GALNT18: variants seen among roughly 807,000 people sequenced by gnomAD.
The protein encoded by GALNT18 is polypeptide N-acetylgalactosaminyltransferase 18.
GALNT18 carries 44 observed loss-of-function variants against 69.5 expected under a neutral mutation model. The ratio of observed to expected loss-of-function variants is 0.63; its 90% CI spans 0.50 to 0.81. The LOEUF is 0.81. Among genes scored for constraint, GALNT18 ranks in the 40% least tolerant of loss-of-function variants. The probability of loss-of-function intolerance (pLI) is 0.00; values close to 1 mark genes in which losing one functional copy is unlikely to be tolerated. For synonymous variants in GALNT18, 364 were observed against 318.2 expected, an observed-to-expected ratio of 1.14 and a Z score of -1.53; for missense variants, 715 against 810.0, an observed-to-expected ratio of 0.88 and a Z score of 1.42.
chr11:11,341,035 C>A lies in GALNT18; in HGVS notation c.1093-31G>T, dbSNP rs1398338891. The A allele has an allele frequency of 1.3e-6, 2 of 1,561,838 alleles. No individual in the cohort carries two copies. Among genetic ancestry groups the A allele is most frequent in the South Asian group, 1.2e-5 (1 of 84,024 alleles). ...GAAGACATGGAGCCACTTGTCAGAGCCTGCCTGGCTCTGCCTTTCTACACC... is the reference window on the plus strand; with the variant it reads ...GAAGACATGGAGCCACTTGTCAGAGACTGCCTGGCTCTGCCTTTCTACACC... On this transcript the variant is annotated intron_variant, in intron 6 of 10. Coordinates refer to ENST00000227756, the MANE Select transcript of GALNT18 (RefSeq NM_198516.3). This position sits in a 1 kb window ranked among gnomAD's most constrained non-coding sequence, Gnocchi z 6.3.
At position 11,523,408 on chromosome 11, in the gene GALNT18, A is replaced by G. The variant is rs910779467; in HGVS notation, c.236-74472T>C. 6.6e-6 allele frequency among the ~76,000 whole-genome samples: 1 copy of G among 152,144 alleles called. No homozygotes were observed. The highest frequency in any genetic ancestry group is 1.5e-5 in the Non-Finnish European group (1 of 68,030). ...GCAGAGGTAACCGAGAGCTACCTCT[A>G]GAGGTCTTCAAACTCAAGAAGTCTG... On this transcript the variant is annotated intron_variant, in intron 1 of 10. Coordinates refer to ENST00000227756, the MANE Select transcript of GALNT18 (RefSeq NM_198516.3). This position sits in a 1 kb window ranked among gnomAD's most constrained non-coding sequence, Gnocchi z 4.3.
chr11:11,373,120 G>A (rs937112665), intron 5 of GALNT18, among the ~76,000 whole-genome samples: 2 of 152,146 alleles, frequency 1.3e-5, no homozygotes, highest in South Asian at 4.1e-4. Context: ...TTATCTTCAG[G>A]TAAATAGGTG....
In GALNT18 at chr11:11,376,636, C is replaced by A. The variant is rs551002031; in HGVS notation, c.977+546G>T. 9.2e-5 allele frequency among the ~76,000 whole-genome samples: 14 copies of A among 152,272 alleles called. 1 individual carries two copies. In the South Asian group the frequency reaches 1.5e-3, roughly 16 times the overall value. ...GTCCGATCTTGCCTCTCAGCCCCTC[C>A]ACCCCTACTGCCGGGGGCTGCTGGC... On this transcript the variant is annotated intron_variant, in intron 5 of 10. Transcript: ENST00000227756.
chr11:11,398,194 A>C (rs1386613743), intron 3 of GALNT18, among the ~76,000 whole-genome samples: 1 of 152,184 alleles, frequency 6.6e-6, no homozygotes, highest in Non-Finnish European at 1.5e-5. Flanking sequence ...GCTTGATTCA[A>C]ATCTGTATAT....
At chr11:11,297,572 TC>T (rs1210331163) in intron 9 of GALNT18, among the ~76,000 whole-genome samples, 4 of 152,040 alleles carry the variant, frequency 2.6e-5, no homozygotes, top group Non-Finnish European at 4.4e-5. Context: ...GGAGAGGACT[TC>T]CACTGTGATC....
At chr11:11,408,149 T>A (rs1185881821) in intron 3 of GALNT18, among the ~76,000 whole-genome samples, 1 of 152,108 alleles carries the variant, frequency 6.6e-6, no homozygotes, top group Admixed American at 6.5e-5. Context: ...GCGGATCACT[T>A]GAGGTCAGGA....
intron 1 of GALNT18, among the ~76,000 whole-genome samples, chr11:11,565,826 T>A (rs1287868023): frequency 6.6e-6 from 1 of 152,128 alleles, no homozygotes; most frequent in Admixed American, 6.5e-5. Context: ...GGTAAAGGGG[T>A]CTTGAGAACA....
rs1225676660 is a variant in GALNT18 at position 11,379,128 on chromosome 11, G to A, written c.732C>T (p.Ala244=). The A allele has an allele frequency of 1.9e-6, 3 of 1,610,866 alleles. No individual in the cohort carries two copies. The highest frequency in any genetic ancestry group is 2.7e-5 in the African/African-American group (2 of 74,982). ...GGGCATCAAAGAGTGCCACCACAGG[G>A]GCAGTGGCCGCCCTCCAGCCACTGA... ...SRVSGWRAAT[A]PVVALFDAHV... The change falls in exon 4 of 11, where the codon GCC becomes GCT. Residue 244 remains alanine, a synonymous_variant. Transcript: ENST00000227756.
At chr11:11,509,749 GGCCTTTGGCCACAT>G (rs1404293651) in intron 1 of GALNT18, among the ~76,000 whole-genome samples, 1 of 152,238 alleles carries the variant, frequency 6.6e-6, no homozygotes, top group Non-Finnish European at 1.5e-5. Flanking sequence ...ACTGGCCACA[GGCCTTTGGCCACAT>G]GCTGGCATAT....
chr11:11,323,028 C>CT (rs1264156777), intron 9 of GALNT18, among the ~76,000 whole-genome samples: 1 of 152,138 alleles, frequency 6.6e-6, no homozygotes, highest in Admixed American at 6.5e-5. Context: ...ACTTTAATTA[C>CT]TTCCTCACTT....
intron 3 of GALNT18, among the ~76,000 whole-genome samples, chr11:11,397,042 A>T (rs1293098588): frequency 1.3e-5 from 2 of 152,138 alleles, no homozygotes; most frequent in Non-Finnish European, 2.9e-5. Context: ...GTGCAGACAC[A>T]CACATATCTA....
chr11:11,474,049 G>A (rs573410209), intron 1 of GALNT18, among the ~76,000 whole-genome samples: 1 of 152,292 alleles, frequency 6.6e-6, no homozygotes, highest in East Asian at 1.9e-4. Flanking sequence ...GGGCGACAGA[G>A]TAAGACTCCA....
At chr11:11,527,623 A>G (rs1461606644) in intron 1 of GALNT18, among the ~76,000 whole-genome samples, 3 of 142,694 alleles carry the variant, frequency 2.1e-5, no homozygotes, top group Non-Finnish European at 4.7e-5. Flanking sequence ...AATATATATT[A>G]TACATTTTTA....
intron 1 of GALNT18, among the ~76,000 whole-genome samples, chr11:11,483,075 T>C (rs934200791): frequency 3.3e-5 from 5 of 152,200 alleles, no homozygotes; most frequent in African/African-American, 1.2e-4. Flanking sequence ...CTTTAAACCA[T>C]AAGAAGCTAT....
chr11:11,441,824 T>C (rs988204254), intron 2 of GALNT18, among the ~76,000 whole-genome samples: 6 of 152,166 alleles, frequency 3.9e-5, no homozygotes, highest in Non-Finnish European at 5.9e-5. Context: ...TGGGGCCCAG[T>C]GCAAAAGGAA....
At chr11:11,393,564 T>A (rs1854247323) in intron 3 of GALNT18, among the ~76,000 whole-genome samples, 1 of 152,270 alleles carries the variant, frequency 6.6e-6, no homozygotes, top group Admixed American at 6.5e-5. Flanking sequence ...TCCTTGCATA[T>A]GCTTTTCTCT....
rs1203992364 is a variant in GALNT18, at chr11:11,318,912, G to A, written c.1512+8174C>T. ...CTTTTGATTCTCTCTCAGACACTATGAAGTTGTATGCTAACTCCTAGATTT... is the reference window on the plus strand; with the variant it reads ...CTTTTGATTCTCTCTCAGACACTATAAAGTTGTATGCTAACTCCTAGATTT... On this transcript the variant is annotated intron_variant, in intron 9 of 10. Transcript: ENST00000227756. This position sits in a 1 kb window ranked among gnomAD's most constrained non-coding sequence, Gnocchi z 5.1. Among the ~76,000 whole-genome samples the A allele has an allele frequency of 1.3e-5, 2 of 152,168 alleles. No homozygotes were observed. Among genetic ancestry groups the A allele is most frequent in the African/African-American group, 4.8e-5 (2 of 41,442 alleles).
intron 1 of GALNT18, among the ~76,000 whole-genome samples, chr11:11,451,688 T>G (rs949260438): frequency 1.3e-5 from 2 of 152,222 alleles, no homozygotes; most frequent in Admixed American, 1.3e-4. Flanking sequence ...ACTTGACCCC[T>G]GCTGGACTGC....
At chr11:11,443,611 G>A (rs1372192531) in intron 2 of GALNT18, among the ~76,000 whole-genome samples, 1 of 152,052 alleles carries the variant, frequency 6.6e-6, no homozygotes, top group Non-Finnish European at 1.5e-5. Context: ...CCTGCGGCTG[G>A]GGCCATGGGG....
Sources: gnomAD v4.1 joint callset for allele counts (sites outside exome capture counted in the v4.1 genomes callset) on GRCh38, gnomAD v4.1.1 for gene constraint, Gnocchi (gnomAD v3.1) non-coding constraint, MANE v1.5 for transcripts, NCBI Gene and HGNC (gene_info 2026-07-23, HGNC 2026-07-21) for gene names.